The following NCAM1 variants were observed in gnomAD, a reference collection of about 807,000 sequenced individuals.
NCAM1 encodes neural cell adhesion molecule 1.
NCAM1 carries 14 observed loss-of-function variants against 109.8 expected under a neutral mutation model. That is an observed-to-expected ratio of 0.13 (90% CI 0.08 to 0.20). The LOEUF is 0.20. NCAM1 is among the 10% of genes least tolerant of loss of function. The probability of loss-of-function intolerance (pLI) is 1.00; values close to 1 mark genes in which losing one functional copy is unlikely to be tolerated. For missense variants in NCAM1, 774 were observed against 1,109.9 expected (o/e 0.70, Z 4.30); for synonymous variants, 418 against 442.9 (o/e 0.94, Z 0.70).
At chr11:113,138,703 G>T (rs566955169) in intron 1 of NCAM1, among the ~76,000 whole-genome samples, 1 of 152,074 alleles carries the variant, frequency 6.6e-6, no homozygotes, top group Non-Finnish European at 1.5e-5. Flanking sequence ...CTTGCTGATT[G>T]TACAACGGTG....
chr11:113,162,912 G>C (rs1942649103), intron 1 of NCAM1, among the ~76,000 whole-genome samples: 1 of 152,210 alleles, frequency 6.6e-6, no homozygotes, highest in Non-Finnish European at 1.5e-5. Context: ...GGCTCTCTGG[G>C]AAAGAGGCTC....
chr11:113,250,157 C>G (rs962001106), intron 15 of NCAM1, among the ~76,000 whole-genome samples: 4 of 152,180 alleles, frequency 2.6e-5, no homozygotes, highest in Non-Finnish European at 5.9e-5. Context: ...CCAGCAGGAA[C>G]AATGCCTAAG....
chr11:113,253,070 T>C (rs782408566), intron 15 of NCAM1, among the ~76,000 whole-genome samples: 5 of 151,878 alleles, frequency 3.3e-5, no homozygotes, highest in Non-Finnish European at 5.9e-5. Context: ...CTATGTCAAA[T>C]GTGTTCTAAC....
chr11:113,225,196 A>G (rs547489425), intron 9 of NCAM1, among the ~76,000 whole-genome samples: 36 of 152,302 alleles, frequency 2.4e-4, no homozygotes, highest in South Asian at 8.3e-4. Flanking sequence ...AAAAGATTAG[A>G]CAAATGGCTA....
In NCAM1 at chr11:113,206,531, G is replaced by A. The variant is rs781881502; in HGVS notation, c.628+351G>A. On this transcript the variant is annotated intron_variant, in intron 5 of 19. Coordinates refer to ENST00000316851, the MANE Select transcript of NCAM1 (RefSeq NM_181351.5). The stretch of plus-strand genomic sequence containing the variant: ...TCCGCTGCTTAAATGTTCAAAGAAA[G>A]TATTAAGTCAACTCAGGCCTCAGAA... Among the ~76,000 whole-genome samples, 48 of 152,040 alleles carry A rather than the reference G, an allele frequency of 3.2e-4. No homozygotes were observed. In the South Asian group the frequency reaches 3.5e-3, roughly 11 times the overall value.
chr11:113,247,669 G>T (rs1391455845), intron 15 of NCAM1, among the ~76,000 whole-genome samples: 1 of 152,164 alleles, frequency 6.6e-6, no homozygotes, highest in East Asian at 1.9e-4. Context: ...GCGATATTGG[G>T]TATGTACATT....
At chr11:113,020,843 T>C (rs188566671) in intron 1 of NCAM1, among the ~76,000 whole-genome samples, 1 of 152,124 alleles carries the variant, frequency 6.6e-6, no homozygotes, top group East Asian at 1.9e-4. Flanking sequence ...GCAACCTCCG[T>C]CTCCCAGGTT....
chr11:113,265,787 G>T (rs1946124447), intron 17 of NCAM1, among the ~76,000 whole-genome samples: 1 of 152,138 alleles, frequency 6.6e-6, no homozygotes, highest in African/African-American at 2.4e-5. Flanking sequence ...GGGGTGAAAA[G>T]GGCATTTCTG....
chr11:113,000,847 T>TATATATATAC (rs1306306918), intron 1 of NCAM1, among the ~76,000 whole-genome samples: 8 of 113,574 alleles, frequency 7.0e-5, no homozygotes, highest in African/African-American at 2.5e-4. Flanking sequence ...TATATATATA[T>TATATATATAC]ACACAAAAAA....
chr11:113,091,746 C>T (rs1254408350), intron 1 of NCAM1, among the ~76,000 whole-genome samples: 1 of 152,276 alleles, frequency 6.6e-6, no homozygotes, highest in East Asian at 1.9e-4. Flanking sequence ...CTTATAGCCC[C>T]ACTTCATGGA....
intron 9 of NCAM1, chr11:113,221,728 T>C (rs1391805613): frequency 3.0e-5 from 5 of 166,866 alleles, no homozygotes; most frequent in African/African-American, 1.2e-4. Context: ...CTCCTCCCTT[T>C]CCTTTCCAGC....
At chr11:113,000,283 G>A (rs1054547669) in intron 1 of NCAM1, among the ~76,000 whole-genome samples, 6 of 152,172 alleles carry the variant, frequency 3.9e-5, no homozygotes, top group South Asian at 2.1e-4. Flanking sequence ...ATGGTTTAGC[G>A]AGAGAGCCAG....
At chr11:113,266,667 A>G (rs1469400952) in intron 17 of NCAM1, among the ~76,000 whole-genome samples, 7 of 152,154 alleles carry the variant, frequency 4.6e-5, no homozygotes. Context: ...CAGATTCTGA[A>G]TTGTTAACAA....
At chr11:112,964,502 G>A (rs2134452169) in intron 1 of NCAM1, among the ~76,000 whole-genome samples, 1 of 152,284 alleles carries the variant, frequency 6.6e-6, no homozygotes, top group Middle Eastern at 3.4e-3. Flanking sequence ...ATAGGACTGG[G>A]TTTCTAACAA....
At chr11:113,202,332 G>A (rs76487552) in intron 1 of NCAM1, 47 bp from the exon 2 acceptor site, 1 of 1,383,914 alleles carries the variant, frequency 7.2e-7, no homozygotes, top group Admixed American at 2.1e-5. Flanking sequence ...AACTTTGTGG[G>A]TTTTTTTTTG....
At chr11:113,266,214 T>C (rs1946131531) in intron 17 of NCAM1, among the ~76,000 whole-genome samples, 1 of 152,256 alleles carries the variant, frequency 6.6e-6, no homozygotes, top group Non-Finnish European at 1.5e-5. Context: ...TAAACAATTC[T>C]GTGATAGCCA....
rs1555117763 is a variant in NCAM1, at chr11:113,233,811, C to T, written c.1693+494C>T. The stretch of plus-strand genomic sequence containing the variant: ...CTTAAATCAGTCCTGTGCTAGCTTT[C>T]CAAGCTAAAGATTAAAAGACTGACC... On this transcript the variant is annotated intron_variant, in intron 13 of 19. Coordinates refer to ENST00000316851, the MANE Select transcript of NCAM1 (RefSeq NM_181351.5). This position sits in a 1 kb window ranked among gnomAD's most constrained non-coding sequence, Gnocchi z 4.5. Among the ~76,000 whole-genome samples, 1 of 152,180 alleles carries T rather than the reference C, an allele frequency of 6.6e-6. No individual in the cohort carries two copies. Among genetic ancestry groups the T allele is most frequent in the Non-Finnish European group, 1.5e-5 (1 of 68,038 alleles).
chr11:113,028,272 C>T (rs1399152500), intron 1 of NCAM1, among the ~76,000 whole-genome samples: 3 of 152,048 alleles, frequency 2.0e-5, no homozygotes, highest in Non-Finnish European at 4.4e-5. Flanking sequence ...TATACATGTA[C>T]CGGAACATCA....
chr11:113,206,105 G>A lies in NCAM1; in HGVS notation c.553G>A (p.Gly185Ser), dbSNP rs782184114. The A allele has an allele frequency of 6.2e-7, 1 of 1,613,874 alleles. No individual in the cohort carries two copies. Among genetic ancestry groups the A allele is most frequent in the Non-Finnish European group, 8.5e-7 (1 of 1,179,854 alleles). The change falls in exon 5 of 20, where the codon GGC (glycine) becomes AGC (serine). Residue 185 changes from glycine (G) to serine (S), a missense_variant. By Grantham distance (56) the Gly-to-Ser change is moderately conservative. Around this residue, in one of 4 missense-constraint regions of NCAM1, gnomAD observed 523 missense variants for 784.2 expected, o/e 0.67. Transcript: ENST00000316851. Reference sequence around the variant, plus strand: ...CCGGGGCATCAAGAAAACAGATGAGGGCACTTATCGCTGTGAGGGCAGAAT... The same window carrying A: ...CCGGGGCATCAAGAAAACAGATGAGAGCACTTATCGCTGTGAGGGCAGAAT... ...QIRGIKKTDEGTYRCEGRILA... is the reference protein window; with the variant it reads ...QIRGIKKTDESTYRCEGRILA...
Sources: gnomAD v4.1 joint callset for allele counts (sites outside exome capture counted in the v4.1 genomes callset) on GRCh38, gnomAD v4.1.1 for gene constraint, gnomAD v4.1.1 regional missense constraint, Gnocchi (gnomAD v3.1) non-coding constraint, MANE v1.5 for transcripts, NCBI Gene and HGNC (gene_info 2026-07-23, HGNC 2026-07-21) for gene names.